Variants in PRKCE observed in about 807,000 individuals in gnomAD.
The protein encoded by PRKCE is protein kinase C epsilon.
A neutral mutation model predicts 85.4 loss-of-function variants in PRKCE; 16 were observed. The observed-to-expected ratio is 0.19, with a 90% CI of 0.13 to 0.28. PRKCE has a LOEUF of 0.28. Ranked by LOEUF, PRKCE falls within the 10% of genes least tolerant of loss-of-function variation. The pLI, the probability that PRKCE is intolerant of heterozygous loss-of-function variation, is 1.00. For missense variants in PRKCE, 573 were observed against 975.2 expected, an observed-to-expected ratio of 0.59 and a Z score of 5.49; for synonymous variants, 388 against 371.5, an observed-to-expected ratio of 1.04 and a Z score of -0.51.
At chr2:45,851,165 A>G (rs1692222783) in intron 2 of PRKCE, among the ~76,000 whole-genome samples, 1 of 152,232 alleles carries the variant, frequency 6.6e-6, no homozygotes, top group African/African-American at 2.4e-5. Flanking sequence ...TGCAGGTACC[A>G]ACAGTTATCC....
chr2:45,885,793 T>A (rs1439859660), intron 2 of PRKCE, among the ~76,000 whole-genome samples: 1 of 152,196 alleles, frequency 6.6e-6, no homozygotes, highest in Non-Finnish European at 1.5e-5. Context: ...ATCCACAAAT[T>A]TGTGGGTTTT....
chr2:45,783,087 C>T (rs984603811), intron 1 of PRKCE, among the ~76,000 whole-genome samples: 2 of 152,208 alleles, frequency 1.3e-5, no homozygotes, highest in African/African-American at 4.8e-5. Context: ...GTGCTGGCCC[C>T]AGTGGCCAGT....
intron 2 of PRKCE, among the ~76,000 whole-genome samples, chr2:45,972,565 A>G (rs530199555): frequency 6.6e-6 from 1 of 152,112 alleles, no homozygotes; most frequent in African/African-American, 2.4e-5. Context: ...GTTTTCCCCT[A>G]TGTTTTCTTC....
chr2:45,755,541 C>T (rs1233348827), intron 1 of PRKCE, among the ~76,000 whole-genome samples: 1 of 152,182 alleles, frequency 6.6e-6, no homozygotes, highest in Non-Finnish European at 1.5e-5. Context: ...ATTTTCCTGC[C>T]TGGCAAATGC....
intron 1 of PRKCE, among the ~76,000 whole-genome samples, chr2:45,684,477 T>C (rs1677139032): frequency 1.3e-5 from 2 of 152,268 alleles, no homozygotes; most frequent in South Asian, 2.1e-4. Flanking sequence ...CGGCATAGCA[T>C]GCACCATAAG....
chr2:45,825,981 T>C (rs2105361631), intron 1 of PRKCE, among the ~76,000 whole-genome samples: 1 of 152,298 alleles, frequency 6.6e-6, no homozygotes, highest in Non-Finnish European at 1.5e-5. Flanking sequence ...CTTTAGAAGA[T>C]ATACAGAAAG....
rs1473089007 is a variant in PRKCE, at chr2:46,187,373, G to A, written c.*2492G>A. Reference sequence around the variant, plus strand: ...AAGCTGGGCTGGCTGGGATGCCTCTGGCTGGTGAAGTTCTCACATAGGCTG... The same window carrying A: ...AAGCTGGGCTGGCTGGGATGCCTCTAGCTGGTGAAGTTCTCACATAGGCTG... On this transcript the variant is annotated 3_prime_UTR_variant, in exon 15 of 15. Coordinates refer to ENST00000306156, the MANE Select transcript of PRKCE (RefSeq NM_005400.3). The A allele has an allele frequency of 6.6e-6, 1 of 152,430 alleles. No individual in the cohort carries two copies. Among genetic ancestry groups the A allele is most frequent in the East Asian group, 1.9e-4 (1 of 5,202 alleles). The allele number at this position is 152,430 out of a possible 1,614,324, so 9.4% of individuals were successfully genotyped here.
chr2:45,896,564 T>G (rs1318412049), intron 2 of PRKCE, among the ~76,000 whole-genome samples: 2 of 152,172 alleles, frequency 1.3e-5, no homozygotes, highest in Non-Finnish European at 2.9e-5. Context: ...AAGAAACAGG[T>G]TTTTCTGGGA....
intron 2 of PRKCE, among the ~76,000 whole-genome samples, chr2:45,938,790 T>G (rs1176579540): frequency 6.6e-6 from 1 of 152,248 alleles, no homozygotes; most frequent in African/African-American, 2.4e-5. Flanking sequence ...GCCAGTTTTC[T>G]TTCTCACTCA....
chr2:45,669,967 C>T (rs973975621), intron 1 of PRKCE, among the ~76,000 whole-genome samples: 1 of 152,148 alleles, frequency 6.6e-6, no homozygotes, highest in African/African-American at 2.4e-5. Context: ...GCTGAGATTG[C>T]ACCACTGCAC....
At chr2:46,048,520 T>G (rs1477168502) in intron 10 of PRKCE, among the ~76,000 whole-genome samples, 2 of 152,188 alleles carry the variant, frequency 1.3e-5, no homozygotes, top group Non-Finnish European at 2.9e-5. Context: ...CAGATGACTT[T>G]CTAAGCAAGG....
chr2:45,763,495 T>C (rs1016705927), intron 1 of PRKCE, among the ~76,000 whole-genome samples: 1 of 152,184 alleles, frequency 6.6e-6, no homozygotes, highest in African/African-American at 2.4e-5. Flanking sequence ...ACAGGAATTG[T>C]TAAGGCTTTG....
At chr2:45,884,997 A>ATTTTTTTTTTTTTT (rs1360794938) in intron 2 of PRKCE, among the ~76,000 whole-genome samples, 1 of 69,636 alleles carries the variant, frequency 1.4e-5, no homozygotes, top group South Asian at 5.1e-4. Context: ...ATATATATAT[A>ATTTTTTTTTTTTTT]TATATTTGTT....
At chr2:45,916,240 AT>A (rs748796035) in intron 2 of PRKCE, among the ~76,000 whole-genome samples, 2,781 of 141,732 alleles carry the variant, frequency 0.02, 61 homozygotes, top group African/African-American at 0.053. Flanking sequence ...GCACTGAGAA[AT>A]TTTTTTTTTT....
At chr2:45,870,081 C>T (rs1353243649) in intron 2 of PRKCE, among the ~76,000 whole-genome samples, 3 of 152,180 alleles carry the variant, frequency 2.0e-5, no homozygotes, top group Non-Finnish European at 4.4e-5. Context: ...GTGTCCTTCC[C>T]TGCAAGCCAG....
chr2:45,832,386 C>T (rs1428162103), intron 1 of PRKCE, among the ~76,000 whole-genome samples: 3 of 150,576 alleles, frequency 2.0e-5, no homozygotes, highest in Non-Finnish European at 4.4e-5. Flanking sequence ...AATTTTGGCT[C>T]ACTGCAACCT....
At chr2:45,893,841 T>G (rs1695926063) in intron 2 of PRKCE, among the ~76,000 whole-genome samples, 1 of 152,138 alleles carries the variant, frequency 6.6e-6, no homozygotes, top group South Asian at 2.1e-4. Context: ...GGGGCTGGTC[T>G]GTTCTTTGTA....
chr2:45,991,172 A>G (rs1703763860), intron 6 of PRKCE, among the ~76,000 whole-genome samples: 2 of 150,484 alleles, frequency 1.3e-5, no homozygotes, highest in Non-Finnish European at 3.0e-5. Flanking sequence ...ACGCCCGGCA[A>G]ATTTTTACAT....
intron 1 of PRKCE, among the ~76,000 whole-genome samples, chr2:45,805,337 G>C (rs1375675510): frequency 1.3e-5 from 2 of 152,276 alleles, no homozygotes; most frequent in East Asian, 3.9e-4. Flanking sequence ...TTTGGAGCCT[G>C]GTGAGGGGTC....
Sources: allele counts gnomAD v4.1 joint callset (sites outside exome capture counted in the v4.1 genomes callset), GRCh38; gene constraint gnomAD v4.1.1; transcripts MANE v1.5; gene names NCBI Gene and HGNC (gene_info 2026-07-23, HGNC 2026-07-21).